EFL1: variants seen among roughly 807,000 people sequenced by gnomAD.
EFL1 encodes elongation factor like GTPase 1.
A neutral mutation model predicts 126.7 loss-of-function variants in EFL1; 76 were observed. That is an observed-to-expected ratio of 0.60 (90% CI 0.50 to 0.73). The LOEUF (loss-of-function observed/expected upper bound fraction) is 0.73, where lower values mean the gene tolerates loss of function less well. Ranked by LOEUF, EFL1 falls within the 30% of genes least tolerant of loss-of-function variation. The pLI is 0.00. For missense variants in EFL1, 1,128 were observed against 1,343.2 expected (o/e 0.84, Z 2.50); for synonymous variants, 410 against 448.4 (o/e 0.91, Z 1.08).
intron 15 of EFL1, among the ~76,000 whole-genome samples, chr15:82,164,210 T>C (rs1035201040): frequency 6.6e-6 from 1 of 151,948 alleles, no homozygotes; most frequent in African/African-American, 2.4e-5. Context: ...CATGTACAAA[T>C]CCTATTATAT....
chr15:82,196,834 C>G (rs2141277054), intron 15 of EFL1, among the ~76,000 whole-genome samples: 1 of 152,270 alleles, frequency 6.6e-6, no homozygotes, highest in South Asian at 2.1e-4. Context: ...GAGTTCGAGA[C>G]CAGCCTGGCC....
At chr15:82,191,898 A>C (rs1290175700) in intron 15 of EFL1, among the ~76,000 whole-genome samples, 10 of 152,218 alleles carry the variant, frequency 6.6e-5, no homozygotes, top group Admixed American at 6.5e-4. Flanking sequence ...CGATAAAATA[A>C]CAACAATGAA....
intron 8 of EFL1, 38 bp from the exon 9 acceptor site, chr15:82,229,148 T>C (rs1307846694): frequency 2.7e-6 from 4 of 1,486,966 alleles, no homozygotes; most frequent in Non-Finnish European, 2.8e-6. Context: ...TTCCTGAACA[T>C]TTAATAGGCA....
chr15:82,229,713 T>A (rs1174269283), intron 8 of EFL1, among the ~76,000 whole-genome samples: 1 of 151,644 alleles, frequency 6.6e-6, no homozygotes, highest in African/African-American at 2.4e-5. Context: ...TGCTCAGTTT[T>A]AAAAAAAAGC....
rs376672172 is a variant in EFL1 at position 82,240,516 on chromosome 15, G to A, written c.418C>T (p.Arg140Cys). Residue 140 changes from arginine to cysteine, a missense_variant, in exon 6 of 20, where the codon CGT becomes TGT. By Grantham distance (180) the Arg-to-Cys change is radical (BLOSUM62 -3). Coordinates refer to ENST00000268206, the MANE Select transcript of EFL1 (RefSeq NM_024580.6). ...ATCTTATTAATCACTAAAACCGGAC[G>A]GATGTTTTCAAGCCAAGCTTGTCGC... ...VLRQAWLENI[R>C]PVLVINKIDR... 39 of 1,613,910 alleles carry A rather than the reference G, an allele frequency of 2.4e-5. No homozygotes were observed. The highest frequency in any genetic ancestry group is 5.3e-5 in the African/African-American group (4 of 74,892).
chr15:82,132,886 C>T (rs2073673599), intron 19 of EFL1, among the ~76,000 whole-genome samples: 1 of 152,102 alleles, frequency 6.6e-6, no homozygotes, highest in South Asian at 2.1e-4. Flanking sequence ...TCACCAGCCA[C>T]TGGGCCTAGG....
intron 15 of EFL1, among the ~76,000 whole-genome samples, chr15:82,174,948 G>GTT: frequency 6.6e-6 from 1 of 152,192 alleles, no homozygotes; most frequent in Non-Finnish European, 1.5e-5. Context: ...CTTGAGCGCA[G>GTT]GCTCTGAACA....
At chr15:82,214,656 A>C (rs1392773591) in intron 15 of EFL1, 61 bp downstream of exon 15, 1 of 1,382,898 alleles carries the variant, frequency 7.2e-7, no homozygotes, top group Non-Finnish European at 9.9e-7. Context: ...CTAAATTTTC[A>C]GTGACATGTT....
chr15:82,209,111 T>C (rs1014844820), intron 15 of EFL1, among the ~76,000 whole-genome samples: 31 of 152,136 alleles, frequency 2.0e-4, no homozygotes, highest in Admixed American at 5.2e-4. Flanking sequence ...TATCTTCAAA[T>C]GGAAATGCTG....
At position 82,151,999 on chromosome 15, in the gene EFL1, T is replaced by G; in HGVS notation, c.2455A>C (p.Ile819Leu). The change falls in exon 18 of 20, where the codon ATT becomes CTT. Residue 819 changes from isoleucine to leucine, a missense_variant. Around this residue, in one of 6 missense-constraint regions of EFL1, gnomAD observed 561 missense variants for 641.7 expected, o/e 0.87. Transcript: ENST00000268206. ...CCAAATGACCAGATTTGGTCAACAATGTTCCTCCATCTTCTCCCTGTTAGG... is the reference window on the plus strand; with the variant it reads ...CCAAATGACCAGATTTGGTCAACAAGGTTCCTCCATCTTCTCCCTGTTAGG... ...QHLTGRRWRNIVDQIWSFGPR... is the reference protein window; with the variant it reads ...QHLTGRRWRNLVDQIWSFGPR... 1 of 1,614,190 alleles carries G rather than the reference T, an allele frequency of 6.2e-7. No homozygotes were observed. The highest frequency in any genetic ancestry group is 8.5e-7 in the Non-Finnish European group (1 of 1,180,044).
At chr15:82,186,263 C>T (rs1253725743) in intron 15 of EFL1, among the ~76,000 whole-genome samples, 1 of 152,130 alleles carries the variant, frequency 6.6e-6, no homozygotes. Context: ...TATAGGCACG[C>T]TCCTTTCCAT....
chr15:82,143,919 T>C (rs74249838), intron 18 of EFL1, among the ~76,000 whole-genome samples: 2 of 152,092 alleles, frequency 1.3e-5, no homozygotes, highest in African/African-American at 4.8e-5. Flanking sequence ...ACAGCTAGAT[T>C]TGAATTCCTG....
At chr15:82,222,202 T>A (rs1050331439) in intron 12 of EFL1, among the ~76,000 whole-genome samples, 29 of 152,218 alleles carry the variant, frequency 1.9e-4, no homozygotes, top group Non-Finnish European at 4.4e-5. Context: ...TTATAGCACA[T>A]AATTTATCAC....
chr15:82,175,915 C>A (rs891257600), intron 15 of EFL1, among the ~76,000 whole-genome samples: 1 of 152,044 alleles, frequency 6.6e-6, no homozygotes, highest in Non-Finnish European at 1.5e-5. Context: ...AACTAAAATA[C>A]AAACTGTAGG....
At chr15:82,200,605 T>A (rs1323915338) in intron 15 of EFL1, among the ~76,000 whole-genome samples, 1 of 152,180 alleles carries the variant, frequency 6.6e-6, no homozygotes, top group African/African-American at 2.4e-5. Context: ...AGGACATACC[T>A]GGGAGCCTCC....
intron 14 of EFL1, chr15:82,215,669 C>T (rs1018880280): frequency 1.3e-5 from 2 of 151,928 alleles, no homozygotes; most frequent in Non-Finnish European, 2.9e-5. Context: ...TGCCCTAATG[C>T]TATGAAGGGA....
At chr15:82,139,536 A>AC (rs2073761932) in intron 18 of EFL1, among the ~76,000 whole-genome samples, 1 of 152,164 alleles carries the variant, frequency 6.6e-6, no homozygotes, top group African/African-American at 2.4e-5. Flanking sequence ...CTCAGGAGGG[A>AC]AACATCTTCC....
intron 3 of EFL1, among the ~76,000 whole-genome samples, chr15:82,258,177 T>C (rs1030809054): frequency 6.6e-6 from 1 of 152,304 alleles, no homozygotes; most frequent in South Asian, 2.1e-4. Context: ...AACGAATATA[T>C]CTTTATTTTT....
chr15:82,198,394 G>A (rs1438275770), intron 15 of EFL1, among the ~76,000 whole-genome samples: 1 of 152,148 alleles, frequency 6.6e-6, no homozygotes, highest in East Asian at 1.9e-4. Flanking sequence ...CTCTCCCGAG[G>A]CACAGCCAAG....
Sources: gnomAD v4.1 joint callset for allele counts (sites outside exome capture counted in the v4.1 genomes callset) on GRCh38, gnomAD v4.1.1 for gene constraint, gnomAD v4.1.1 regional missense constraint, MANE v1.5 for transcripts, NCBI Gene and HGNC (gene_info 2026-07-23, HGNC 2026-07-21) for gene names.